OSBPL10: variants seen among roughly 807,000 people sequenced by gnomAD.
OSBPL10 encodes oxysterol binding protein like 10, also known as oxysterol-binding protein-related protein 10.
In OSBPL10, 49 loss-of-function variants were observed where a neutral mutation model predicts 81.7. The ratio of observed to expected loss-of-function variants is 0.60; its 90% CI spans 0.48 to 0.76. The LOEUF (loss-of-function observed/expected upper bound fraction) is 0.76, where lower values mean the gene tolerates loss of function less well. Among genes scored for constraint, OSBPL10 ranks in the 30% least tolerant of loss-of-function variants. OSBPL10 has a pLI of 0.00. For synonymous variants in OSBPL10, 419 were observed against 383.6 expected (o/e 1.09, Z -1.08); for missense variants, 923 against 987.8 (o/e 0.93, Z 0.88).
intron 1 of OSBPL10, among the ~76,000 whole-genome samples, chr3:31,976,659 G>C (rs541388505): frequency 4.4e-4 from 67 of 152,134 alleles, no homozygotes; most frequent in African/African-American, 1.5e-3. Context: ...GTTTCACCAT[G>C]GTTCCCACGC....
intron 1 of OSBPL10, among the ~76,000 whole-genome samples, chr3:31,978,107 C>G (rs1429224067): frequency 6.6e-6 from 1 of 152,130 alleles, no homozygotes; most frequent in Non-Finnish European, 1.5e-5. Flanking sequence ...CAAGAGGACA[C>G]CAGGGTACAA....
chr3:31,942,284 G>A (rs1225390609), intron 1 of OSBPL10, among the ~76,000 whole-genome samples: 2 of 152,096 alleles, frequency 1.3e-5, no homozygotes, highest in South Asian at 2.1e-4. Flanking sequence ...GAGCGCAGTG[G>A]CTCACGTCTG....
chr3:31,714,173 T>C (rs1025773220), intron 6 of OSBPL10: 4 of 152,252 alleles, frequency 2.6e-5, no homozygotes, highest in South Asian at 4.1e-4. Flanking sequence ...GAGACCAACA[T>C]GCACTGGGGG....
chr3:31,971,799 AT>A (rs1457032426), intron 1 of OSBPL10, among the ~76,000 whole-genome samples: 1 of 152,100 alleles, frequency 6.6e-6, no homozygotes, highest in Non-Finnish European at 1.5e-5. Context: ...ACATCCACTT[AT>A]TTACAAAGGA....
intron 1 of OSBPL10, among the ~76,000 whole-genome samples, chr3:31,891,578 C>T (rs905335639): frequency 1.3e-5 from 2 of 152,204 alleles, no homozygotes; most frequent in African/African-American, 4.8e-5. Flanking sequence ...TTCCTAAATG[C>T]AGACAGTAAA....
chr3:32,016,206 A>C (rs988637167), intron 2 of OSBPL10, among the ~76,000 whole-genome samples: 2 of 152,232 alleles, frequency 1.3e-5, no homozygotes, highest in African/African-American at 4.8e-5. Flanking sequence ...CAAATGTCCA[A>C]CAATGATAGA....
intron 4 of OSBPL10, among the ~76,000 whole-genome samples, chr3:31,757,807 C>T (rs1008392628): frequency 6.6e-6 from 1 of 152,154 alleles, no homozygotes; most frequent in Non-Finnish European, 1.5e-5. Flanking sequence ...ACAGAATATG[C>T]TGTAGAAGAC....
At chr3:31,875,042 C>G (rs1701416419) in intron 3 of OSBPL10, among the ~76,000 whole-genome samples, 1 of 142,812 alleles carries the variant, frequency 7.0e-6, no homozygotes, top group African/African-American at 2.7e-5. Flanking sequence ...GCAAGTAAAT[C>G]CATGTGCCTA....
At chr3:31,794,823 A>G (rs1427923449) in intron 4 of OSBPL10, 2 of 347,300 alleles carry the variant, frequency 5.8e-6, no homozygotes, top group Admixed American at 7.0e-5. Flanking sequence ...ACAAGCAGAA[A>G]CTGAACAGGA....
chr3:32,050,806 C>T (rs572361904), intron 1 of OSBPL10, among the ~76,000 whole-genome samples: 6 of 151,912 alleles, frequency 3.9e-5, no homozygotes, highest in Non-Finnish European at 5.9e-5. Flanking sequence ...GAATTACAGG[C>T]GCCTGCTACC....
intron 4 of OSBPL10, among the ~76,000 whole-genome samples, chr3:31,804,259 G>C (rs1191947148): frequency 1.3e-5 from 2 of 151,856 alleles, no homozygotes; most frequent in African/African-American, 2.4e-5. Flanking sequence ...GTTATTCTAA[G>C]GGTTGAAATC....
intron 3 of OSBPL10, among the ~76,000 whole-genome samples, chr3:31,840,105 A>G (rs1392052448): frequency 6.6e-6 from 1 of 151,704 alleles, no homozygotes; most frequent in East Asian, 2.0e-4. Context: ...GACCCAGAAG[A>G]TACTTTATGC....
intron 4 of OSBPL10, among the ~76,000 whole-genome samples, chr3:31,798,738 C>G (rs1699301987): frequency 6.6e-6 from 1 of 152,070 alleles, no homozygotes; most frequent in Non-Finnish European, 1.5e-5. Flanking sequence ...GTTAAAGAAA[C>G]CCCACCTAGG....
intron 4 of OSBPL10, among the ~76,000 whole-genome samples, chr3:31,780,833 C>T (rs988430007): frequency 2.0e-5 from 3 of 150,126 alleles, no homozygotes; most frequent in African/African-American, 7.4e-5. Context: ...TGCCCCCCAC[C>T]CCCCCAAAAA....
chr3:31,981,043 G>A lies in OSBPL10; in HGVS notation c.137C>T (p.Ala46Val). ...AGRGVSSRSA[A>V]AGLGGGGSRS... ...GCTTCCCCCGCCGCCGAGCCCGGCC[G>A]CCGCCGACCGGCTGGAGACCCCCCG... Residue 46 changes from alanine to valine, a missense_variant, in exon 1 of 12, where the codon GCG becomes GTG. Physicochemically the swap from Ala to Val is moderately conservative, Grantham distance 64. This residue lies in a region of OSBPL10 where 514 missense variants were observed against 508.0 expected (regional missense o/e 1.01). Coordinates refer to ENST00000396556, the MANE Select transcript of OSBPL10 (RefSeq NM_017784.5). This position sits in a 1 kb window ranked among gnomAD's most constrained non-coding sequence, Gnocchi z 4.5. 1.4e-6 allele frequency: 2 copies of A among 1,477,364 alleles called. No individual in the cohort carries two copies. The highest frequency in any genetic ancestry group is 8.9e-7 in the Non-Finnish European group (1 of 1,118,554). 91.5% of individuals were successfully genotyped at this position (1,477,364 alleles called of 1,614,324 possible). A position where few individuals can be genotyped will look rare whatever the true frequency, so the allele number is the denominator to read the frequency against.
At chr3:31,999,435 A>T (rs536994065) in intron 2 of OSBPL10, among the ~76,000 whole-genome samples, 106 of 145,658 alleles carry the variant, frequency 7.3e-4, no homozygotes, top group Non-Finnish European at 1.3e-3. Flanking sequence ...ATCTCGGCTC[A>T]CCACAACCTC....
chr3:31,966,961 G>A (rs982576700), intron 1 of OSBPL10, among the ~76,000 whole-genome samples: 1 of 150,978 alleles, frequency 6.6e-6, no homozygotes, highest in African/African-American at 2.4e-5. Context: ...ATGTGGAACT[G>A]GAACTTTCAT....
At chr3:31,739,849 G>A (rs899734603) in intron 5 of OSBPL10, among the ~76,000 whole-genome samples, 9 of 152,236 alleles carry the variant, frequency 5.9e-5, no homozygotes, top group Non-Finnish European at 1.0e-4. Context: ...TTGATATTTT[G>A]TTCATTATCA....
intron 2 of OSBPL10, among the ~76,000 whole-genome samples, chr3:32,023,841 T>A (rs1233317190): frequency 2.0e-5 from 3 of 152,224 alleles, no homozygotes; most frequent in African/African-American, 7.2e-5. Context: ...TTCCTATATA[T>A]GTAAACTTTA....
Sources: allele counts gnomAD v4.1 joint callset (sites outside exome capture counted in the v4.1 genomes callset), GRCh38; gene constraint gnomAD v4.1.1; regional missense constraint gnomAD v4.1.1; non-coding constraint Gnocchi (gnomAD v3.1); transcripts MANE v1.5; gene names NCBI Gene and HGNC (gene_info 2026-07-23, HGNC 2026-07-21).